Variants in BUB1 observed in about 807,000 individuals in gnomAD.
BUB1 encodes BUB1 mitotic checkpoint serine/threonine kinase, also known as mitotic checkpoint serine/threonine-protein kinase BUB1.
BUB1 carries 84 observed loss-of-function variants against 135.2 expected under a neutral mutation model. The observed-to-expected ratio is 0.62, with a 90% confidence interval of 0.52 to 0.74. BUB1 has a LOEUF of 0.74. Ranked by LOEUF, BUB1 falls within the 30% of genes least tolerant of loss-of-function variation. The pLI is 0.00. For synonymous variants in BUB1, 403 were observed against 434.4 expected (o/e 0.93, Z 0.90); for missense variants, 1,162 against 1,288.3 (o/e 0.90, Z 1.50).
At chr2:110,673,099 G>A (rs975521134) in intron 3 of BUB1, among the ~76,000 whole-genome samples, 1 of 152,186 alleles carries the variant, frequency 6.6e-6, no homozygotes, top group African/African-American at 2.4e-5. Flanking sequence ...AATCATGTCT[G>A]TGTAAGGCAC....
chr2:110,670,401 G>A, intron 5 of BUB1, 124 bp downstream of exon 5: 1 of 1,105,228 alleles, frequency 9.0e-7, no homozygotes, highest in East Asian at 2.4e-5. Flanking sequence ...GCCTCCCAAA[G>A]TGCTGGGATT....
chr2:110,675,845 A>G (rs1166670834), intron 1 of BUB1, among the ~76,000 whole-genome samples: 1 of 152,106 alleles, frequency 6.6e-6, no homozygotes, highest in Non-Finnish European at 1.5e-5. Context: ...GAGATGAGGT[A>G]TCACTATATT....
chr2:110,659,533 A>C (rs1280951644), intron 11 of BUB1, among the ~76,000 whole-genome samples: 1 of 152,186 alleles, frequency 6.6e-6, no homozygotes, highest in African/African-American at 2.4e-5. Flanking sequence ...CAAACTGTCC[A>C]GAAAAAAAAT....
chr2:110,647,755 C>T (rs931263176), intron 19 of BUB1, among the ~76,000 whole-genome samples: 1 of 152,182 alleles, frequency 6.6e-6, no homozygotes, highest in Non-Finnish European at 1.5e-5. Flanking sequence ...TCTGGATAGA[C>T]ATCTCACTGA....
chr2:110,643,750 C>T (rs1306788695), intron 19 of BUB1, among the ~76,000 whole-genome samples: 1 of 152,128 alleles, frequency 6.6e-6, no homozygotes, highest in Non-Finnish European at 1.5e-5. Flanking sequence ...AGTGATCATC[C>T]TACCTCAGCC....
intron 19 of BUB1, among the ~76,000 whole-genome samples, chr2:110,643,380 G>A (rs1689556576): frequency 6.6e-6 from 1 of 152,096 alleles, no homozygotes; most frequent in Non-Finnish European, 1.5e-5. Context: ...AAAAAAATAA[G>A]GACACATAGG....
chr2:110,642,043 G>GA (rs1307858050), intron 20 of BUB1, 76 bp downstream of exon 20: 14 of 1,202,612 alleles, frequency 1.2e-5, no homozygotes, highest in South Asian at 3.1e-5. Context: ...CTATCTTAAA[G>GA]AAAAAAAATT....
At position 110,672,674 on chromosome 2, in the gene BUB1, G is replaced by C; in HGVS notation, c.409C>G (p.Gln137Glu). The change falls in exon 4 of 25, where the codon CAA becomes GAA. Residue 137 changes from glutamine (Q) to glutamate (E), a missense_variant. Coordinates refer to ENST00000302759, the MANE Select transcript of BUB1 (RefSeq NM_004336.5). ...QNQAEPREFL[Q>E]QQYRLFQTRL... ...CTTTGTAACTACCTGTATTGTTGTT[G>C]CAGGAACTCTCTGGGTTCAGCCTGG... The C allele has an allele frequency of 6.3e-7, 1 of 1,592,456 alleles. No individual in the cohort carries two copies. The highest frequency in any genetic ancestry group is 8.5e-7 in the Non-Finnish European group (1 of 1,170,822).
At chr2:110,671,021 AATATGTCATTTC>A (rs1257860730) in intron 4 of BUB1, among the ~76,000 whole-genome samples, 2 of 152,238 alleles carry the variant, frequency 1.3e-5, no homozygotes, top group African/African-American at 4.8e-5. Context: ...GAAGTTCTCA[AATATGTCATTTC>A]ATGGCATATT....
At chr2:110,641,963 G>GA (rs1404019984) in intron 20 of BUB1, among the ~76,000 whole-genome samples, 156 bp downstream of exon 20, 1 of 151,970 alleles carries the variant, frequency 6.6e-6, no homozygotes, top group East Asian at 1.9e-4. Context: ...ATTTTAGTGG[G>GA]AAAAAAATTC....
At chr2:110,645,598 T>G (rs958732369) in intron 19 of BUB1, among the ~76,000 whole-genome samples, 4 of 151,948 alleles carry the variant, frequency 2.6e-5, no homozygotes, top group Non-Finnish European at 4.4e-5. Flanking sequence ...TGTGTGTGTG[T>G]GTGTGTGTGT....
chr2:110,653,625 T>C lies in BUB1; in HGVS notation c.1877-102A>G, dbSNP rs1236915208. 5 of 889,242 alleles carry C rather than the reference T, an allele frequency of 5.6e-6. No individual in the cohort carries two copies. In the East Asian group the frequency reaches 1.0e-4, roughly 18 times the overall value. The allele number at this position is 889,242 out of a possible 1,614,324, so 55.1% of individuals were successfully genotyped here. ...CAAAGTCTAGGATTTCTTTTGACAC[T>C]GACTTGCATTATGATTTCAAAATAG... On this transcript the variant is annotated intron_variant, in intron 16 of 24. Coordinates refer to ENST00000302759, the MANE Select transcript of BUB1 (RefSeq NM_004336.5).
At chr2:110,644,560 G>C (rs1689595336) in intron 19 of BUB1, among the ~76,000 whole-genome samples, 1 of 147,424 alleles carries the variant, frequency 6.8e-6, no homozygotes, top group Non-Finnish European at 1.5e-5. Flanking sequence ...CACAGATCCA[G>C]GAAGCTTAGA....
chr2:110,650,531 A>G lies in BUB1; in HGVS notation c.2203+15T>C. The stretch of plus-strand genomic sequence containing the variant: ...GTCCTGATTCAAGGGCATAACAAAG[A>G]GTGAGTGTTCGTACTTGGAGCATCA... On this transcript the variant is annotated intron_variant, in intron 18 of 24. Coordinates refer to ENST00000302759, the MANE Select transcript of BUB1 (RefSeq NM_004336.5). 1.9e-6 allele frequency: 3 copies of G among 1,609,048 alleles called. No individual in the cohort carries two copies. In the East Asian group the frequency reaches 6.7e-5, roughly 36 times the overall value.
In BUB1 at chr2:110,637,622, T is replaced by TGTGTGTGTGTGTGTG; in HGVS notation, c.*341_*342insCACACACACACACAC. On this transcript the variant is annotated 3_prime_UTR_variant, in exon 25 of 25. Coordinates refer to ENST00000302759, the MANE Select transcript of BUB1 (RefSeq NM_004336.5). ...TGTGTGTGTGTGTGTGTGTGTGTGT[T>TGTGTGTGTGTGTGTG]TACACAGACACCAAACTTCAAATTT... The TGTGTGTGTGTGTGTG allele has an allele frequency of 1.3e-5, 1 of 75,468 alleles. No homozygotes were observed. Among genetic ancestry groups the TGTGTGTGTGTGTGTG allele is most frequent in the Non-Finnish European group, 2.8e-5 (1 of 35,300 alleles). 4.7% of individuals were successfully genotyped at this position (75,468 alleles called of 1,614,324 possible). A position where few individuals can be genotyped will look rare whatever the true frequency, so the allele number is the denominator to read the frequency against.
Position 110,658,483 on chromosome 2 carries a change from A to C in BUB1, c.1443T>G (p.Pro481=), listed in dbSNP as rs1465153446. 1 of 1,614,114 alleles carries C rather than the reference A, an allele frequency of 6.2e-7. No homozygotes were observed. Among genetic ancestry groups the C allele is most frequent in the African/African-American group, 1.3e-5 (1 of 75,066 alleles). Residue 481 remains proline (P), a synonymous_variant, in exon 13 of 25, where the codon CCT becomes CCG. Transcript: ENST00000302759. ...IMNMFQAPTL[P]DISDDKDEWQ... is the part of the protein sequence containing the mutation. ...ATTCATCTTTGTCATCAGAAATATC[A>C]GGAAGTGTAGGAGCCTGAAACATAT...
Position 110,678,060 on chromosome 2 carries a change from G to A in BUB1, c.-65C>T. Reference sequence around the variant, plus strand: ...GCAAACTAGAAGCCGCCGCCGATTCGAATACCCCGCGCAGCCGCAGTCGGC... The same window carrying A: ...GCAAACTAGAAGCCGCCGCCGATTCAAATACCCCGCGCAGCCGCAGTCGGC... On this transcript the variant is annotated 5_prime_UTR_variant, in exon 1 of 25. Transcript: ENST00000302759. The A allele has an allele frequency of 6.5e-7, 1 of 1,546,840 alleles. No individual in the cohort carries two copies. Among genetic ancestry groups the A allele is most frequent in the Non-Finnish European group, 8.7e-7 (1 of 1,147,230 alleles).
chr2:110,656,848 T>C (rs1176626950), intron 15 of BUB1, among the ~76,000 whole-genome samples, 188 bp downstream of exon 15: 1 of 152,166 alleles, frequency 6.6e-6, no homozygotes, highest in Non-Finnish European at 1.5e-5. Flanking sequence ...ACTTGGAAAA[T>C]ATGCACATAC....
intron 18 of BUB1, among the ~76,000 whole-genome samples, chr2:110,650,207 C>CG (rs796197770): frequency 0.17 from 3,908 of 22,688 alleles, 156 homozygotes; most frequent in African/African-American, 0.34. Flanking sequence ...AGGGGGTGGG[C>CG]GGGGGGGGGT....
Sources: allele counts gnomAD v4.1 joint callset (sites outside exome capture counted in the v4.1 genomes callset), GRCh38; gene constraint gnomAD v4.1.1; transcripts MANE v1.5; gene names NCBI Gene and HGNC (gene_info 2026-07-23, HGNC 2026-07-21).